The following MATR3 variants were observed in gnomAD, a reference collection of about 807,000 sequenced individuals.
The protein encoded by MATR3 is matrin 3.
MATR3 carries 4 observed loss-of-function variants against 85.5 expected under a neutral mutation model. The ratio of observed to expected loss-of-function variants is 0.05; its 90% CI spans 0.02 to 0.11. The LOEUF (loss-of-function observed/expected upper bound fraction) is 0.11. Among genes scored for constraint, MATR3 ranks in the 10% least tolerant of loss-of-function variants. The pLI, the probability that MATR3 is intolerant of heterozygous loss-of-function variation, is 1.00. For synonymous variants in MATR3, 336 were observed against 343.1 expected, an observed-to-expected ratio of 0.98 and a Z score of 0.23; for missense variants, 685 against 1,016.1, an observed-to-expected ratio of 0.67 and a Z score of 4.43.
chr5:139,326,823 T>C (rs777852559), intron 14 of MATR3, among the ~76,000 whole-genome samples: 2 of 152,374 alleles, frequency 1.3e-5, no homozygotes, highest in South Asian at 2.1e-4. Flanking sequence ...AACCATATTA[T>C]AAATTCTGTG....
At chr5:139,324,475 G>GA (rs1755743260) in intron 12 of MATR3, among the ~76,000 whole-genome samples, 1 of 151,948 alleles carries the variant, frequency 6.6e-6, no homozygotes, top group Non-Finnish European at 1.5e-5. Flanking sequence ...ATTTTTAGTA[G>GA]AAACGAGGTT....
At chr5:139,278,534 G>C (rs1346889425) in intron 2 of MATR3, 1 of 367,302 alleles carries the variant, frequency 2.7e-6, no homozygotes, top group African/African-American at 2.1e-5. Flanking sequence ...ATGAAGGAAA[G>C]GACAATATAT....
intron 1 of MATR3, among the ~76,000 whole-genome samples, chr5:139,275,277 G>A (rs1753233107): frequency 2.7e-5 from 4 of 150,942 alleles, no homozygotes; most frequent in Non-Finnish European, 2.9e-5. Flanking sequence ...GATTACAGGC[G>A]TGAGCCACCG....
intron 1 of MATR3, among the ~76,000 whole-genome samples, chr5:139,303,771 T>G (rs1031162828): frequency 6.6e-6 from 1 of 152,112 alleles, no homozygotes; most frequent in African/African-American, 2.4e-5. Flanking sequence ...ACTAAAAATC[T>G]TTTCATTTTT....
At chr5:139,275,915 T>C (rs555329328) in intron 1 of MATR3, among the ~76,000 whole-genome samples, 1 of 152,320 alleles carries the variant, frequency 6.6e-6, no homozygotes, top group South Asian at 2.1e-4. Flanking sequence ...GATATTTGTT[T>C]AATCGACTCT....
chr5:139,302,171 C>G (rs1271229281), intron 1 of MATR3, among the ~76,000 whole-genome samples: 1 of 152,000 alleles, frequency 6.6e-6, no homozygotes. Context: ...CCATGTTGGC[C>G]GGGCTGGTCT....
chr5:139,278,809 TGTG>T (rs751146415), intron 2 of MATR3: 1 of 515,250 alleles, frequency 1.9e-6, no homozygotes, highest in Admixed American at 1.9e-5. Context: ...TCCAGGCTCA[TGTG>T]GTGCCTGTGA....
intron 9 of MATR3, among the ~76,000 whole-genome samples, chr5:139,320,526 CA>C (rs1755503733): frequency 6.6e-6 from 1 of 152,094 alleles, no homozygotes; most frequent in Admixed American, 6.5e-5. Context: ...ACACTTAACC[CA>C]GGAGTCCAAG....
upstream of MATR3, among the ~76,000 whole-genome samples, chr5:139,292,421 T>C (rs1753906801): frequency 6.6e-6 from 1 of 152,148 alleles, no homozygotes; most frequent in Non-Finnish European, 1.5e-5. Flanking sequence ...GCTGGAAAAT[T>C]CCCAACTCTC....
Position 139,316,181 on chromosome 5 carries a change from A to T in MATR3, c.1122A>T (p.Gly374=), listed in dbSNP as rs1277169207. 3.1e-6 allele frequency: 5 copies of T among 1,606,996 alleles called. No individual in the cohort carries two copies. Among genetic ancestry groups the T allele is most frequent in the Non-Finnish European group, 4.3e-6 (5 of 1,173,878 alleles). The change falls in exon 5 of 15, where the codon GGA becomes GGT. Residue 374 remains glycine, a synonymous_variant. Coordinates refer to ENST00000394805, the MANE Select transcript of MATR3 (RefSeq NM_018834.6). ...GGGGACCAGCAGTTGGACCAAGAGG[A>T]AATCTGGGTAATTATATAAAATTCA... is the stretch of plus-strand genomic sequence containing the variant. The part of the protein sequence containing the change: ...HLGGPAVGPR[G]NLGAGNGNLQ...
At chr5:139,304,188 G>T (rs141091310) in intron 1 of MATR3, among the ~76,000 whole-genome samples, 227 of 152,252 alleles carry the variant, frequency 1.5e-3, no homozygotes, top group Non-Finnish European at 2.8e-3. Context: ...CTATAAAAAT[G>T]AATTTTTAAG....
chr5:139,316,786 A>G (rs920397831), intron 5 of MATR3, among the ~76,000 whole-genome samples: 8 of 152,074 alleles, frequency 5.3e-5, no homozygotes, highest in South Asian at 2.1e-4. Context: ...CCTGGCCTCA[A>G]ATGATCTGCT....
rs73255233 is a variant in MATR3 at position 139,317,215 on chromosome 5, G to A, written c.1182+110G>A. 6.7e-3 allele frequency: 7,242 copies of A among 1,077,624 alleles called. 345 individuals carry two copies. The African/African-American group carries it at 0.1, about 15-fold the overall frequency. The allele number at this position is 1,077,624 out of a possible 1,614,324, so 66.8% of individuals were successfully genotyped here. A position where few individuals can be genotyped will look rare whatever the true frequency, so the allele number is the denominator to read the frequency against. The stretch of plus-strand genomic sequence containing the variant: ...TCGTGGTCCTTATGGGAACATTGCT[G>A]TAATTTGAAAACAATCACGTTTTTC... On this transcript the variant is annotated intron_variant, in intron 6 of 14. Transcript: ENST00000394805.
rs998114454 is a variant in MATR3, at chr5:139,331,133, A to G, written c.*1738A>G. On this transcript the variant is annotated 3_prime_UTR_variant, in exon 15 of 15. Coordinates refer to ENST00000394805, the MANE Select transcript of MATR3 (RefSeq NM_018834.6). ...TTTCAAAAAAATCTACAAAAACAGGATAGGCATTGTCTTTCAAATGTTCAG... is the reference window on the plus strand; with the variant it reads ...TTTCAAAAAAATCTACAAAAACAGGGTAGGCATTGTCTTTCAAATGTTCAG... The G allele has an allele frequency of 4.4e-6, 2 of 454,030 alleles. No individual in the cohort carries two copies. Among genetic ancestry groups the G allele is most frequent in the African/African-American group, 2.0e-5 (1 of 50,020 alleles). The allele number at this position is 454,030 out of a possible 1,614,324, so 28.1% of individuals were successfully genotyped here. A position where few individuals can be genotyped will look rare whatever the true frequency, so the allele number is the denominator to read the frequency against.
At chr5:139,309,415 T>G (rs1362919035) in intron 2 of MATR3, among the ~76,000 whole-genome samples, 1 of 152,206 alleles carries the variant, frequency 6.6e-6, no homozygotes, top group African/African-American at 2.4e-5. Flanking sequence ...GTCATTTTCT[T>G]TTCATAGCTA....
chr5:139,329,004 C>CAA (rs540997120), intron 14 of MATR3, among the ~76,000 whole-genome samples: 24 of 146,286 alleles, frequency 1.6e-4, no homozygotes, highest in Middle Eastern at 7.0e-3. Context: ...AACTCTCCCT[C>CAA]AAAAAAAAAA....
rs1412628714 is a variant in MATR3, at chr5:139,321,931, A to G, written c.1636A>G (p.Met546Val). 3 of 1,613,836 alleles carry G rather than the reference A, an allele frequency of 1.9e-6. No individual in the cohort carries two copies. The highest frequency in any genetic ancestry group is 1.7e-5 in the Admixed American group (1 of 60,006). ...TGAGATGGAGACAAGAGAAGATGCA[A>G]TGGCAATGGTTGACCATTGTTTGAA... ...FIEMETREDAMAMVDHCLKKA... is the reference protein window; with the variant it reads ...FIEMETREDAVAMVDHCLKKA... Residue 546 changes from methionine to valine, a missense_variant, in exon 10 of 15, where the codon ATG becomes GTG. Physicochemically the swap from Met to Val is conservative, Grantham distance 21. Transcript: ENST00000394805.
chr5:139,274,340 ATCCCTCT>A, intron 1 of MATR3: 1 of 343,034 alleles, frequency 2.9e-6, no homozygotes, highest in Non-Finnish European at 5.7e-6. Flanking sequence ...TTTTTCTACC[ATCCCTCT>A]TCCCTCTTCT....
intron 3 of MATR3, among the ~76,000 whole-genome samples, chr5:139,284,903 A>AT (rs1753654559): frequency 1.3e-5 from 2 of 152,146 alleles, no homozygotes; most frequent in East Asian, 1.9e-4. Context: ...TGAATCTATG[A>AT]TTTTTTGTCA....
Sources: allele counts gnomAD v4.1 joint callset (sites outside exome capture counted in the v4.1 genomes callset), GRCh38; gene constraint gnomAD v4.1.1; transcripts MANE v1.5; gene names NCBI Gene and HGNC (gene_info 2026-07-23, HGNC 2026-07-21).